The following ATXN10 variants were observed in gnomAD, a reference collection of about 807,000 sequenced individuals.
ATXN10 encodes ataxin 10, also known as ataxin-10.
In ATXN10, 28 loss-of-function variants were observed where a neutral mutation model predicts 52.9. The observed-to-expected ratio is 0.53, with a 90% CI of 0.39 to 0.73. The LOEUF is 0.73. Among genes scored for constraint, ATXN10 ranks in the 30% least tolerant of loss-of-function variants. ATXN10 has a pLI of 0.00. For missense variants in ATXN10, 565 were observed against 577.0 expected (o/e 0.98, Z 0.21); for synonymous variants, 226 against 221.5 (o/e 1.02, Z -0.18).
In ATXN10 at chr22:45,842,931, T is replaced by A; in HGVS notation, c.1238-60T>A. ...GCTCCTCTACTCCTTTTCTGATAATTCTTATGTGAAGTTATCAAACAGGAA... is the reference window on the plus strand; with the variant it reads ...GCTCCTCTACTCCTTTTCTGATAATACTTATGTGAAGTTATCAAACAGGAA... On this transcript the variant is annotated intron_variant, in intron 10 of 11. Transcript: ENST00000252934. This position sits in a 1 kb window ranked among gnomAD's most constrained non-coding sequence, Gnocchi z 4.8. 6.4e-7 allele frequency: 1 copy of A among 1,559,152 alleles called. No individual in the cohort carries two copies. Among genetic ancestry groups the A allele is most frequent in the Non-Finnish European group, 8.8e-7 (1 of 1,130,502 alleles).
In ATXN10 at chr22:45,715,449, G is replaced by A. The variant is rs1294807864; in HGVS notation, c.648-2964G>A. Reference sequence around the variant, plus strand: ...ATCAAGTTTGTCCAACCTGCAGGCCGCATGCAGCCCAGGATGGCTTTGAAT... The same window carrying A: ...ATCAAGTTTGTCCAACCTGCAGGCCACATGCAGCCCAGGATGGCTTTGAAT... On this transcript the variant is annotated intron_variant, in intron 5 of 11. Coordinates refer to ENST00000252934, the MANE Select transcript of ATXN10 (RefSeq NM_013236.4). The surrounding 1 kb of genome is among the most constrained non-coding windows in gnomAD (Gnocchi z 4.4). 3.3e-5 allele frequency among the ~76,000 whole-genome samples: 5 copies of A among 152,286 alleles called. No individual in the cohort carries two copies. The highest frequency in any genetic ancestry group is 1.9e-4 in the East Asian group (1 of 5,192).
At position 45,770,039 on chromosome 22, in the gene ATXN10, G is replaced by A. The variant is rs1569057656; in HGVS notation, c.1173+29501G>A. On this transcript the variant is annotated intron_variant, in intron 9 of 11. Transcript: ENST00000252934. This position sits in a 1 kb window ranked among gnomAD's most constrained non-coding sequence, Gnocchi z 4.5. Reference sequence around the variant, plus strand: ...CAAGACTAAGAGCTGAAGAAGGGCGGCTTAGGGTTTCTAGACCAGTAATGG... The same window carrying A: ...CAAGACTAAGAGCTGAAGAAGGGCGACTTAGGGTTTCTAGACCAGTAATGG... Among the ~76,000 whole-genome samples the A allele has an allele frequency of 6.6e-6, 1 of 152,192 alleles. No homozygotes were observed. The highest frequency in any genetic ancestry group is 1.5e-5 in the Non-Finnish European group (1 of 68,030).
At chr22:45,711,708 AAAAC>A (rs1471325264) in intron 5 of ATXN10, among the ~76,000 whole-genome samples, 1 of 152,238 alleles carries the variant, frequency 6.6e-6, no homozygotes, top group African/African-American at 2.4e-5. Flanking sequence ...TTAATTAAAA[AAAAC>A]CCAAACTCGG....
chr22:45,737,765 C>T (rs962829669), intron 7 of ATXN10, among the ~76,000 whole-genome samples: 25 of 135,266 alleles, frequency 1.8e-4, no homozygotes, highest in African/African-American at 7.0e-4. Context: ...GTGGCGTGAT[C>T]TTGGCTCACT....
Position 45,798,841 on chromosome 22 carries a change from AAAT to A in ATXN10, c.1174-8109_1174-8107del, listed in dbSNP as rs147135670. ...TGAAAATTAATTATATAAAACTAGC[AAAT>A]AATAATAAGAAAAAATTTAAATGCC... On this transcript the variant is annotated intron_variant, in intron 9 of 11. Transcript: ENST00000252934. Among the ~76,000 whole-genome samples, 346 of 152,366 alleles carry A rather than the reference AAAT, an allele frequency of 2.3e-3. 1 individual carries two copies. The highest frequency in any genetic ancestry group is 4.8e-3 in the African/African-American group (199 of 41,588).
Position 45,690,392 on chromosome 22 carries a change from C to T in ATXN10, c.308+489C>T, listed in dbSNP as rs1923325215. 6.6e-6 allele frequency among the ~76,000 whole-genome samples: 1 copy of T among 152,102 alleles called. No homozygotes were observed. Among genetic ancestry groups the T allele is most frequent in the East Asian group, 1.9e-4 (1 of 5,196 alleles). ...TCTACAGGCCTTGCCATTGGAGTCT[C>T]TCTGACTAGTGTATAAAATAATGGA... On this transcript the variant is annotated intron_variant, in intron 2 of 11. Transcript: ENST00000252934. The surrounding 1 kb of genome is among the most constrained non-coding windows in gnomAD (Gnocchi z 4.5).
At chr22:45,806,839 A>G in intron 9 of ATXN10, 120 bp from the exon 10 acceptor site, 1 of 773,728 alleles carries the variant, frequency 1.3e-6, no homozygotes, top group Non-Finnish European at 2.3e-6. Flanking sequence ...GATATTTCAG[A>G]TAATAGTGCA....
chr22:45,793,809 A>G (rs1017053719), intron 9 of ATXN10: 1 of 1,311,598 alleles, frequency 7.6e-7, no homozygotes, highest in Non-Finnish European at 9.8e-7. Flanking sequence ...TTAGCCTGGG[A>G]AGGTTCTTGG....
intron 7 of ATXN10, among the ~76,000 whole-genome samples, chr22:45,738,100 A>G (rs955409161): frequency 6.6e-6 from 1 of 152,200 alleles, no homozygotes; most frequent in Admixed American, 6.5e-5. Context: ...ACTTAATGCT[A>G]TGCAGTTGGT....
intron 10 of ATXN10, among the ~76,000 whole-genome samples, chr22:45,808,417 A>T (rs1928173175): frequency 1.3e-5 from 2 of 152,206 alleles, no homozygotes; most frequent in Non-Finnish European, 2.9e-5. Context: ...CTTTTAGCAA[A>T]GACCAGAAAA....
rs1052740347 is a variant in ATXN10 at position 45,715,133 on chromosome 22, A to G, written c.648-3280A>G. On this transcript the variant is annotated intron_variant, in intron 5 of 11. Transcript: ENST00000252934. The surrounding 1 kb of genome is among the most constrained non-coding windows in gnomAD (Gnocchi z 4.4). ...AAGTCCTTGAGGATTTTATGAACATATTGATCAAATCACATTTATTGAACA... is the reference window on the plus strand; with the variant it reads ...AAGTCCTTGAGGATTTTATGAACATGTTGATCAAATCACATTTATTGAACA... Among the ~76,000 whole-genome samples the G allele has an allele frequency of 6.6e-6, 1 of 152,214 alleles. No homozygotes were observed. Among genetic ancestry groups the G allele is most frequent in the Non-Finnish European group, 1.5e-5 (1 of 68,032 alleles).
intron 5 of ATXN10, among the ~76,000 whole-genome samples, chr22:45,710,409 C>G (rs1003101907): frequency 6.6e-6 from 1 of 152,184 alleles, no homozygotes; most frequent in African/African-American, 2.4e-5. Context: ...GAGACCTTCC[C>G]AGCACTTTAT....
Position 45,759,481 on chromosome 22 carries a change from C to T in ATXN10, c.1173+18943C>T, listed in dbSNP as rs1926299795. Among the ~76,000 whole-genome samples, 1 of 152,204 alleles carries T rather than the reference C, an allele frequency of 6.6e-6. No homozygotes were observed. The highest frequency in any genetic ancestry group is 6.5e-5 in the Admixed American group (1 of 15,276). ...GAGCCGAGATAGCATCACTGCACTC[C>T]AGCCTGGGCAGAGCAAGACTCCGTG... On this transcript the variant is annotated intron_variant, in intron 9 of 11. Transcript: ENST00000252934. The surrounding 1 kb of genome is among the most constrained non-coding windows in gnomAD (Gnocchi z 5.4).
At chr22:45,695,587 G>C (rs879650202) in intron 3 of ATXN10, among the ~76,000 whole-genome samples, 1 of 150,392 alleles carries the variant, frequency 6.6e-6, no homozygotes, top group Admixed American at 6.7e-5. Flanking sequence ...CCTTCCCGCC[G>C]GGTTCAAGCG....
Position 45,823,160 on chromosome 22 carries a change from A to G in ATXN10, c.1237+16138A>G. ...CCAGATGGAAATACAGAACATGCCC[A>G]TCTCCCTAGGCGGCTTCTTGAGTGT... On this transcript the variant is annotated intron_variant, in intron 10 of 11. Transcript: ENST00000252934. This position sits in a 1 kb window ranked among gnomAD's most constrained non-coding sequence, Gnocchi z 4.9. 1 of 471,772 alleles carries G rather than the reference A, an allele frequency of 2.1e-6. No individual in the cohort carries two copies. The highest frequency in any genetic ancestry group is 4.4e-6 in the Non-Finnish European group (1 of 227,168). 29.2% of individuals were successfully genotyped at this position (471,772 alleles called of 1,614,324 possible).
chr22:45,778,646 AAG>A (rs1212476844), intron 9 of ATXN10, among the ~76,000 whole-genome samples: 2 of 152,198 alleles, frequency 1.3e-5, no homozygotes, highest in African/African-American at 4.8e-5. Flanking sequence ...TAGCCTAAAA[AAG>A]AGAGAGAGGA....
chr22:45,751,739 G>GA (rs1925959977), intron 9 of ATXN10, among the ~76,000 whole-genome samples: 7 of 14,080 alleles, frequency 5.0e-4, no homozygotes, highest in Non-Finnish European at 7.8e-4. Context: ...ACCTTTTTCT[G>GA]GAAAAAAAAA....
rs1308405261 is a variant in ATXN10, at chr22:45,700,132, C to G, written c.392-150C>G. On this transcript the variant is annotated intron_variant, in intron 3 of 11. Transcript: ENST00000252934. ...CAGCCATGGCATATTCATGTTATTC[C>G]CAAAGTGAACTTGTGGAGACAGACT... 10 of 630,888 alleles carry G rather than the reference C, an allele frequency of 1.6e-5. No homozygotes were observed. The East Asian group carries it at 3.1e-4, about 19-fold the overall frequency. The allele number at this position is 630,888 out of a possible 1,614,324, so 39.1% of individuals were successfully genotyped here.
chr22:45,836,857 C>T (rs575846307), intron 10 of ATXN10, among the ~76,000 whole-genome samples: 89 of 152,320 alleles, frequency 5.8e-4, no homozygotes, highest in African/African-American at 2.0e-3. Flanking sequence ...TGTGAAGCAT[C>T]TTCATCTAGG....
Sources: allele counts gnomAD v4.1 joint callset (sites outside exome capture counted in the v4.1 genomes callset), GRCh38; gene constraint gnomAD v4.1.1; non-coding constraint Gnocchi (gnomAD v3.1); transcripts MANE v1.5; gene names NCBI Gene and HGNC (gene_info 2026-07-23, HGNC 2026-07-21).